The following MMP24 variants were observed in gnomAD, a reference collection of about 807,000 sequenced individuals.
The protein encoded by MMP24 is matrix metalloproteinase-24.
MMP24 carries 25 observed loss-of-function variants against 62.8 expected under a neutral mutation model. The ratio of observed to expected loss-of-function variants is 0.40; its 90% CI spans 0.29 to 0.56. The LOEUF (loss-of-function observed/expected upper bound fraction) is 0.56, where lower values mean the gene tolerates loss of function less well. Ranked by LOEUF, MMP24 falls within the 20% of genes least tolerant of loss-of-function variation. The pLI, the probability that MMP24 is intolerant of heterozygous loss-of-function variation, is 0.50. For missense variants in MMP24, 634 were observed against 853.6 expected (o/e 0.74, Z 3.21); for synonymous variants, 319 against 350.5 (o/e 0.91, Z 1.00).
intron 2 of MMP24, 88 bp from the exon 3 acceptor site, chr20:35,251,817 G>T: frequency 9.3e-7 from 1 of 1,075,166 alleles, no homozygotes; most frequent in Non-Finnish European, 1.4e-6. Flanking sequence ...TTGCTTTCCA[G>T]ACTGGAGCTG....
At chr20:35,254,355 C>T (rs1332184829) in intron 3 of MMP24, 95 bp from the exon 4 acceptor site, 2 of 1,243,838 alleles carry the variant, frequency 1.6e-6, no homozygotes, top group Non-Finnish European at 2.3e-6. Flanking sequence ...GGTTCAAAAT[C>T]AGATCACTGA....
At chr20:35,273,319 C>A (rs929585405) in intron 8 of MMP24, among the ~76,000 whole-genome samples, 5 of 151,388 alleles carry the variant, frequency 3.3e-5, no homozygotes, top group Non-Finnish European at 7.4e-5. Context: ...TTGCTTAAGA[C>A]CAGGAGTTTG....
chr20:35,266,128 A>G (rs1272451321), intron 5 of MMP24, among the ~76,000 whole-genome samples: 1 of 143,476 alleles, frequency 7.0e-6, no homozygotes, highest in Non-Finnish European at 1.5e-5. Context: ...ACTTGAGGTC[A>G]GGAGTTCAAG....
intron 8 of MMP24, chr20:35,272,088 C>T (rs1248445120): frequency 8.8e-6 from 5 of 568,582 alleles, no homozygotes; most frequent in East Asian, 2.9e-5. Context: ...TTCCTTCAGA[C>T]AGCATTTCTC....
chr20:35,247,588 C>G (rs2060522290), intron 2 of MMP24, among the ~76,000 whole-genome samples: 1 of 152,120 alleles, frequency 6.6e-6, no homozygotes. Context: ...CCCAATCACT[C>G]AAGGAGAATG....
At chr20:35,254,124 C>T (rs1448885600) in intron 3 of MMP24, among the ~76,000 whole-genome samples, 1 of 152,232 alleles carries the variant, frequency 6.6e-6, no homozygotes, top group Non-Finnish European at 1.5e-5. Flanking sequence ...CAGCCTCGGC[C>T]TCCCAAAGTG....
rs766897030 is a variant in MMP24 at position 35,269,131 on chromosome 20, T to C, written c.1195-629T>C. On this transcript the variant is annotated intron_variant, in intron 6 of 8. Transcript: ENST00000246186. This position sits in a 1 kb window ranked among gnomAD's most constrained non-coding sequence, Gnocchi z 4.6. ...GAGGCACCAGTTACAAGAGGCGTTT[T>C]TACTGGACTCGGACTATTTAGCTGC... Among the ~76,000 whole-genome samples, 1 of 152,178 alleles carries C rather than the reference T, an allele frequency of 6.6e-6. No individual in the cohort carries two copies. The highest frequency in any genetic ancestry group is 2.4e-5 in the African/African-American group (1 of 41,466).
chr20:35,237,483 C>T (rs2060469733), intron 1 of MMP24, among the ~76,000 whole-genome samples: 1 of 152,202 alleles, frequency 6.6e-6, no homozygotes, highest in Admixed American at 6.5e-5. Context: ...GGCTAATCTC[C>T]CCCATCTGAA....
chr20:35,268,851 C>T (rs890083416), intron 6 of MMP24, among the ~76,000 whole-genome samples: 16 of 152,030 alleles, frequency 1.1e-4, no homozygotes. Context: ...CATGGTGAAA[C>T]CCCATCTCTA....
At chr20:35,252,062 C>T (rs1221977559) in intron 3 of MMP24, 41 bp downstream of exon 3, 1 of 1,488,270 alleles carries the variant, frequency 6.7e-7, no homozygotes, top group Non-Finnish European at 9.4e-7. Context: ...TTTGGCTCCA[C>T]CCTCACTCTG....
In MMP24 at chr20:35,249,053, C is replaced by T. The variant is rs545999384; in HGVS notation, c.395+2065C>T. Among the ~76,000 whole-genome samples, 10 of 152,316 alleles carry T rather than the reference C, an allele frequency of 6.6e-5. No individual in the cohort carries two copies. The South Asian group carries it at 1.9e-3, about 28-fold the overall frequency. On this transcript the variant is annotated intron_variant, in intron 2 of 8. Coordinates refer to ENST00000246186, the MANE Select transcript of MMP24 (RefSeq NM_006690.4). ...CCACTTGCAGTTCTGCCCACACCTC[C>T]TTGTAGAAGGCGGGGGAGTTGTGGT...
chr20:35,257,524 G>A (rs2060580931), intron 4 of MMP24, among the ~76,000 whole-genome samples: 1 of 152,212 alleles, frequency 6.6e-6, no homozygotes, highest in South Asian at 2.1e-4. Context: ...GCAAATGAAT[G>A]TCCAAAGAGT....
At position 35,269,785 on chromosome 20, in the gene MMP24, A is replaced by G; in HGVS notation, c.1220A>G (p.Asn407Ser). Residue 407 changes from asparagine (N) to serine (S), a missense_variant, in exon 7 of 9, where the codon AAT becomes AGT. By Grantham distance (46) the Asn-to-Ser change is conservative. Around this residue, in one of 3 missense-constraint regions of MMP24, gnomAD observed 399 missense variants for 530.8 expected, o/e 0.75. Coordinates refer to ENST00000246186, the MANE Select transcript of MMP24 (RefSeq NM_006690.4). The surrounding 1 kb of genome is among the most constrained non-coding windows in gnomAD (Gnocchi z 4.6). ...GATCGCTGGTTCTGGCGTCTGCGCAATAACCGAGTGCAGGAGGGCTACCCC... is the reference window on the plus strand; with the variant it reads ...GATCGCTGGTTCTGGCGTCTGCGCAGTAACCGAGTGCAGGAGGGCTACCCC... ...FKDRWFWRLR[N>S]NRVQEGYPMQ... 1 of 1,572,650 alleles carries G rather than the reference A, an allele frequency of 6.4e-7. No homozygotes were observed. The highest frequency in any genetic ancestry group is 8.6e-7 in the Non-Finnish European group (1 of 1,159,190).
chr20:35,276,151 C>T lies in MMP24; in HGVS notation c.*1542C>T, dbSNP rs2060704540. 1 of 398,582 alleles carries T rather than the reference C, an allele frequency of 2.5e-6. No homozygotes were observed. The highest frequency in any genetic ancestry group is 2.1e-5 in the African/African-American group (1 of 48,622). The allele number at this position is 398,582 out of a possible 1,614,324, so 24.7% of individuals were successfully genotyped here. On this transcript the variant is annotated 3_prime_UTR_variant, in exon 9 of 9. Transcript: ENST00000246186. Reference sequence around the variant, plus strand: ...CTGTGGTCTCTGGGATTGGGGTCGGCTTACCCTGTAGCACAGACAGGGACT... The same window carrying T: ...CTGTGGTCTCTGGGATTGGGGTCGGTTTACCCTGTAGCACAGACAGGGACT...
At chr20:35,254,290 A>C (rs1242517649) in intron 3 of MMP24, among the ~76,000 whole-genome samples, 160 bp from the exon 4 acceptor site, 2 of 152,332 alleles carry the variant, frequency 1.3e-5, no homozygotes, top group East Asian at 3.9e-4. Flanking sequence ...GGGGATCCAG[A>C]GCTCTGTTAC....
chr20:35,227,816 A>G (rs1276619895), intron 1 of MMP24, among the ~76,000 whole-genome samples: 2 of 152,334 alleles, frequency 1.3e-5, no homozygotes, highest in East Asian at 3.8e-4. Flanking sequence ...CCCATTTTAC[A>G]GATGGGGATA....
chr20:35,262,632 T>G (rs1235885078), intron 4 of MMP24: 1 of 147,344 alleles, frequency 6.8e-6, no homozygotes, highest in African/African-American at 2.6e-5. Flanking sequence ...GCAAGAGGCA[T>G]TCCTTCCTCT....
In MMP24 at chr20:35,274,751, TG is replaced by T; in HGVS notation, c.*144del. On this transcript the variant is annotated 3_prime_UTR_variant, in exon 9 of 9. Transcript: ENST00000246186. This position sits in a 1 kb window ranked among gnomAD's most constrained non-coding sequence, Gnocchi z 5.1. Reference sequence around the variant, plus strand: ...CGTACAGCTGAAGTGGTGGGTGCATTGGCCTAGGCTGAGCGTGGGGCAGGGA... The same window carrying T: ...CGTACAGCTGAAGTGGTGGGTGCATTGCCTAGGCTGAGCGTGGGGCAGGGA... 1.4e-6 allele frequency: 1 copy of T among 736,758 alleles called. No homozygotes were observed. Among genetic ancestry groups the T allele is most frequent in the Non-Finnish European group, 2.2e-6 (1 of 458,868 alleles). 45.6% of individuals were successfully genotyped at this position (736,758 alleles called of 1,614,324 possible).
At chr20:35,255,070 C>T (rs1008757409) in intron 4 of MMP24, among the ~76,000 whole-genome samples, 1 of 152,202 alleles carries the variant, frequency 6.6e-6, no homozygotes, top group Non-Finnish European at 1.5e-5. Flanking sequence ...ATGGCTCACG[C>T]CTGTAATCCC....
Sources: allele counts gnomAD v4.1 joint callset (sites outside exome capture counted in the v4.1 genomes callset), GRCh38; gene constraint gnomAD v4.1.1; regional missense constraint gnomAD v4.1.1; non-coding constraint Gnocchi (gnomAD v3.1); transcripts MANE v1.5; gene names NCBI Gene and HGNC (gene_info 2026-07-23, HGNC 2026-07-21).